The following TNR variants were observed in gnomAD, a reference collection of about 807,000 sequenced individuals.
TNR encodes tenascin R.
In TNR, 45 loss-of-function variants were observed where a neutral mutation model predicts 150.4. The ratio of observed to expected loss-of-function variants is 0.30; its 90% CI spans 0.24 to 0.38. TNR has a LOEUF of 0.38. TNR is among the 10% of genes least tolerant of loss of function. TNR has a pLI of 1.00. For missense variants in TNR, 1,544 were observed against 1,759.1 expected (o/e 0.88, Z 2.19); for synonymous variants, 687 against 678.4 (o/e 1.01, Z -0.20).
intron 1 of TNR, among the ~76,000 whole-genome samples, chr1:175,693,512 T>C (rs915026828): frequency 2.6e-5 from 4 of 152,178 alleles, no homozygotes; most frequent in Non-Finnish European, 4.4e-5. Context: ...CAAGGAGACT[T>C]TGATGATTAA....
intron 1 of TNR, among the ~76,000 whole-genome samples, chr1:175,711,474 G>A (rs994725265): frequency 4.6e-5 from 7 of 152,192 alleles, no homozygotes; most frequent in Non-Finnish European, 1.0e-4. Flanking sequence ...ATAGCAGGAA[G>A]GAGTCAGATG....
intron 2 of TNR, among the ~76,000 whole-genome samples, chr1:175,515,691 G>A (rs1659376856): frequency 6.6e-6 from 1 of 152,194 alleles, no homozygotes; most frequent in Non-Finnish European, 1.5e-5. Flanking sequence ...TGAGTGTTAG[G>A]CAGGGATGTG....
intron 1 of TNR, among the ~76,000 whole-genome samples, chr1:175,627,691 C>T (rs1351629444): frequency 6.6e-6 from 1 of 152,028 alleles, no homozygotes; most frequent in Non-Finnish European, 1.5e-5. Flanking sequence ...ATTGCCATCC[C>T]CCATCCTTAC....
intron 2 of TNR, among the ~76,000 whole-genome samples, chr1:175,476,184 A>G (rs1657538368): frequency 6.6e-6 from 1 of 152,108 alleles, no homozygotes; most frequent in African/African-American, 2.4e-5. Flanking sequence ...TGACCATTTA[A>G]CTGTCTCCCA....
At chr1:175,416,877 A>G (rs911756194) in intron 2 of TNR, among the ~76,000 whole-genome samples, 34 of 152,160 alleles carry the variant, frequency 2.2e-4, no homozygotes, top group Non-Finnish European at 4.3e-4. Context: ...GCGTGGTGGC[A>G]GGCGCCTGTA....
intron 2 of TNR, among the ~76,000 whole-genome samples, chr1:175,474,018 C>A (rs1360663253): frequency 6.6e-6 from 1 of 152,118 alleles, no homozygotes; most frequent in East Asian, 1.9e-4. Context: ...CATACACACA[C>A]ACAAATTCTC....
chr1:175,739,415 T>C (rs908646500), intron 1 of TNR, among the ~76,000 whole-genome samples: 1 of 151,836 alleles, frequency 6.6e-6, no homozygotes, highest in African/African-American at 2.4e-5. Context: ...AGGGACAGAG[T>C]AGAAGAGAAT....
chr1:175,452,168 C>T (rs1656356323), intron 2 of TNR, among the ~76,000 whole-genome samples: 1 of 152,198 alleles, frequency 6.6e-6, no homozygotes, highest in African/African-American at 2.4e-5. Context: ...CCCCTCTATT[C>T]TGCTACACTT....
intron 1 of TNR, among the ~76,000 whole-genome samples, chr1:175,631,495 T>G (rs1297340149): frequency 6.6e-6 from 1 of 152,226 alleles, no homozygotes; most frequent in East Asian, 1.9e-4. Flanking sequence ...TGATTTTTTT[T>G]TAGCTCACCA....
intron 2 of TNR, among the ~76,000 whole-genome samples, chr1:175,448,172 A>G (rs1427493051): frequency 6.6e-6 from 1 of 152,024 alleles, no homozygotes; most frequent in East Asian, 1.9e-4. Context: ...AGGTAGCCTT[A>G]TCTTACCTCC....
intron 1 of TNR, among the ~76,000 whole-genome samples, chr1:175,716,889 C>T (rs1667167487): frequency 6.6e-6 from 1 of 152,110 alleles, no homozygotes; most frequent in African/African-American, 2.4e-5. Flanking sequence ...CTTCCTTCTG[C>T]CTAGGATGAC....
rs760353561 is a variant in TNR at position 175,335,721 on chromosome 1, C to T, written c.3621G>A (p.Glu1207=). 6.2e-7 allele frequency: 1 copy of T among 1,613,868 alleles called. No individual in the cohort carries two copies. The highest frequency in any genetic ancestry group is 8.5e-7 in the Non-Finnish European group (1 of 1,179,982). The change falls in exon 20 of 23, where the codon GAG becomes GAA. Residue 1207 remains glutamate, a synonymous_variant. Transcript: ENST00000367674. ...ATAAGGAGGCTTTACCCAGCCAGAA[C>T]TCATCCTCCACGTTCCCGAAGCCAA... ...YRVGFGNVED[E]FWLGLDNIHR...
chr1:175,592,576 C>T (rs1043131378), intron 1 of TNR, among the ~76,000 whole-genome samples: 1 of 152,244 alleles, frequency 6.6e-6, no homozygotes, highest in African/African-American at 2.4e-5. Flanking sequence ...TCTCTCTTGC[C>T]ATCACTCATC....
At chr1:175,425,303 G>A (rs998899461) in intron 2 of TNR, among the ~76,000 whole-genome samples, 3 of 152,136 alleles carry the variant, frequency 2.0e-5, no homozygotes, top group Admixed American at 1.3e-4. Flanking sequence ...TTTTCTCTGA[G>A]CTTCTGTTTT....
chr1:175,353,851 A>ATTTATT (rs111708916), intron 18 of TNR, among the ~76,000 whole-genome samples: 48 of 146,204 alleles, frequency 3.3e-4, no homozygotes, highest in African/African-American at 1.1e-3. Context: ...ATTTTTATTT[A>ATTTATT]TTTTTTTTTT....
chr1:175,613,306 T>C (rs1271869073), intron 1 of TNR, among the ~76,000 whole-genome samples: 1 of 152,232 alleles, frequency 6.6e-6, no homozygotes, highest in African/African-American at 2.4e-5. Context: ...ATCCTTGTTC[T>C]AATGGTAAAG....
In TNR at chr1:175,692,478, A is replaced by G. The variant is rs184754599; in HGVS notation, c.-165+50748T>C. Reference sequence around the variant, plus strand: ...GTGGAGAGTGCCTCAAGTTCCCTTCATCCATCTTTCCATCTGCCTTGGGTC... The same window carrying G: ...GTGGAGAGTGCCTCAAGTTCCCTTCGTCCATCTTTCCATCTGCCTTGGGTC... On this transcript the variant is annotated intron_variant, in intron 1 of 22. Coordinates refer to ENST00000367674, the MANE Select transcript of TNR (RefSeq NM_003285.3). 1.7e-3 allele frequency among the ~76,000 whole-genome samples: 255 copies of G among 152,338 alleles called. 1 individual carries two copies. The highest frequency in any genetic ancestry group is 2.9e-3 in the Non-Finnish European group (194 of 68,020).
Position 175,743,254 on chromosome 1 carries a change from G to A in TNR, c.-193C>T, listed in dbSNP as rs911726595. ...GGCTGGGGGTGGGCGGCCGGGGAGC[G>A]AGAGGAGCTTCCTGGGAAGAAAATT... On this transcript the variant is annotated 5_prime_UTR_variant, in exon 1 of 23. Coordinates refer to ENST00000367674, the MANE Select transcript of TNR (RefSeq NM_003285.3). The A allele has an allele frequency of 3.3e-5, 5 of 152,298 alleles. No individual in the cohort carries two copies. Among genetic ancestry groups the A allele is most frequent in the African/African-American group, 7.2e-5 (3 of 41,458 alleles). The allele number at this position is 152,298 out of a possible 1,614,324, so 9.4% of individuals were successfully genotyped here.
At chr1:175,417,439 A>G (rs575077076) in intron 2 of TNR, among the ~76,000 whole-genome samples, 53 of 152,292 alleles carry the variant, frequency 3.5e-4, no homozygotes, top group African/African-American at 1.3e-3. Context: ...TTCAGTCTTC[A>G]TGAAGGCTTA....
Sources: allele counts gnomAD v4.1 joint callset (sites outside exome capture counted in the v4.1 genomes callset), GRCh38; gene constraint gnomAD v4.1.1; transcripts MANE v1.5; gene names NCBI Gene and HGNC (gene_info 2026-07-23, HGNC 2026-07-21).